Variants in CNBD1 observed in about 807,000 individuals in gnomAD.
CNBD1 encodes cyclic nucleotide-binding domain-containing protein 1.
CNBD1 carries 71 observed loss-of-function variants against 54.4 expected under a neutral mutation model. That is an observed-to-expected ratio of 1.30 (90% CI 1.08 to 1.59). The LOEUF (loss-of-function observed/expected upper bound fraction) is 1.59. Ranked by LOEUF, CNBD1 falls within the 40% of genes most tolerant of loss-of-function variation. CNBD1 has a pLI of 0.00. For missense variants in CNBD1, 659 were observed against 518.0 expected, an observed-to-expected ratio of 1.27 and a Z score of -2.64; for synonymous variants, 182 against 170.7, an observed-to-expected ratio of 1.07 and a Z score of -0.51.
chr8:86,945,105 C>A (rs1002021400), intron 4 of CNBD1, among the ~76,000 whole-genome samples: 1 of 151,986 alleles, frequency 6.6e-6, no homozygotes, highest in Non-Finnish European at 1.5e-5. Flanking sequence ...TTATAAAATA[C>A]TATGGTAAAA....
chr8:87,275,940 G>C (rs1454672490), intron 6 of CNBD1, among the ~76,000 whole-genome samples: 4 of 151,872 alleles, frequency 2.6e-5, no homozygotes, highest in African/African-American at 9.7e-5. Flanking sequence ...CAGACAGAGA[G>C]CCAAATCATG....
chr8:87,057,491 G>A (rs1045698200), intron 4 of CNBD1, among the ~76,000 whole-genome samples: 1 of 152,090 alleles, frequency 6.6e-6, no homozygotes, highest in Admixed American at 6.5e-5. Flanking sequence ...ATTTCAGTGG[G>A]GACACAGCCA....
chr8:86,966,968 G>T (rs117231046), intron 4 of CNBD1, among the ~76,000 whole-genome samples: 1 of 152,114 alleles, frequency 6.6e-6, no homozygotes, highest in African/African-American at 2.4e-5. Context: ...AGTGCTGATT[G>T]GTCCGTTTTA....
chr8:87,128,467 T>C (rs1241509152), intron 4 of CNBD1, among the ~76,000 whole-genome samples: 2 of 152,172 alleles, frequency 1.3e-5, no homozygotes, highest in African/African-American at 4.8e-5. Flanking sequence ...CTGTTGCAAG[T>C]TCTGTGAGGG....
chr8:87,000,169 T>G (rs6468614), intron 4 of CNBD1, among the ~76,000 whole-genome samples: 152,144 of 152,148 alleles, frequency 1, 76,070 homozygotes, highest in Middle Eastern at 1. Context: ...GGACCCAGGT[T>G]GGAGGTGATT....
In CNBD1 at chr8:87,391,422, G is replaced by A. The variant is rs780179404; in HGVS notation, c.214-37124G>A. On this transcript the variant is annotated intron_variant, in intron 2 of 7. Coordinates refer to the CNBD1 transcript ENST00000521593. ...GAGTTGCCAGAACAATCCTGAAAGA[G>A]AACAAAGCGGACAGACATACACCTC... 2.0e-5 allele frequency among the ~76,000 whole-genome samples: 3 copies of A among 151,978 alleles called. No homozygotes were observed. The South Asian group carries it at 6.2e-4, about 31-fold the overall frequency.
intron 4 of CNBD1, among the ~76,000 whole-genome samples, chr8:87,074,163 G>A (rs923952839): frequency 6.6e-6 from 1 of 151,936 alleles, no homozygotes; most frequent in Admixed American, 6.6e-5. Flanking sequence ...GCTGCACTGG[G>A]GGTTGTTGGG....
intron 4 of CNBD1, among the ~76,000 whole-genome samples, chr8:87,073,853 G>C (rs1225389292): frequency 1.3e-5 from 2 of 152,092 alleles, no homozygotes; most frequent in Non-Finnish European, 1.5e-5. Context: ...TGTAATCCCA[G>C]CACTTTGGGA....
chr8:87,003,547 T>C (rs1039804844), intron 4 of CNBD1, among the ~76,000 whole-genome samples: 1 of 152,202 alleles, frequency 6.6e-6, no homozygotes, highest in Non-Finnish European at 1.5e-5. Context: ...AAGTAGGAGA[T>C]AACAAAACTT....
At position 87,324,935 on chromosome 8, in the gene CNBD1, C is replaced by A. The variant is rs1361873061; in HGVS notation, c.1043-26750C>A. Among the ~76,000 whole-genome samples, 6 of 108,168 alleles carry A rather than the reference C, an allele frequency of 5.5e-5. 1 individual carries two copies. Among genetic ancestry groups the A allele is most frequent in the Non-Finnish European group, 1.1e-4 (6 of 52,592 alleles). The allele number at this position is 108,168 out of a possible 152,430, so 71.0% of individuals were successfully genotyped here. ...GATCTTTCTTGCTTTCTCTTGTGGG[C>A]ATTCAGTGCTATAAATTTCCCTCTA... On this transcript the variant is annotated intron_variant, in intron 8 of 10. Coordinates refer to ENST00000518476, the MANE Select transcript of CNBD1 (RefSeq NM_173538.3).
chr8:87,113,543 G>A (rs972300165), intron 4 of CNBD1, among the ~76,000 whole-genome samples: 3 of 152,116 alleles, frequency 2.0e-5, no homozygotes, highest in Non-Finnish European at 4.4e-5. Context: ...GTAGAACTTG[G>A]CTATTTACCA....
chr8:87,134,635 C>T (rs1222503562), intron 4 of CNBD1, among the ~76,000 whole-genome samples: 1 of 124,284 alleles, frequency 8.0e-6, no homozygotes, highest in Non-Finnish European at 1.6e-5. Flanking sequence ...TGGAGTCTCG[C>T]TGTGTCACCC....
Position 87,304,855 on chromosome 8 carries a change from A to G in CNBD1, c.1042+18184A>G, listed in dbSNP as rs548564639. Among the ~76,000 whole-genome samples the G allele has an allele frequency of 7.0e-4, 107 of 152,224 alleles. 1 individual carries two copies. Among genetic ancestry groups the G allele is most frequent in the African/African-American group, 2.5e-3 (105 of 41,560 alleles). On this transcript the variant is annotated intron_variant, in intron 8 of 10. Transcript: ENST00000518476. The stretch of plus-strand genomic sequence containing the variant: ...CATTCCTTCTGAGAACTGGAACAAG[A>G]GAAGGATGCCCACTCCCACCACTCC...
At chr8:87,263,869 A>G (rs1563529304) in intron 6 of CNBD1, among the ~76,000 whole-genome samples, 1 of 152,194 alleles carries the variant, frequency 6.6e-6, no homozygotes, top group Non-Finnish European at 1.5e-5. Flanking sequence ...ATCAATTTTT[A>G]AAAATCTAAT....
At chr8:87,278,319 C>A (rs2130864509) in intron 6 of CNBD1, among the ~76,000 whole-genome samples, 1 of 151,566 alleles carries the variant, frequency 6.6e-6, no homozygotes, top group Admixed American at 6.6e-5. Context: ...TGTGGAAAGA[C>A]ATCTAATAAC....
chr8:87,365,774 T>C (rs13283000), intron 10 of CNBD1, among the ~76,000 whole-genome samples: 46,155 of 151,892 alleles, frequency 0.3, 7,346 homozygotes, highest in Middle Eastern at 0.41. Context: ...ATGCCTCTAT[T>C]AAAATATAAT....
In CNBD1 at chr8:87,375,577, T is replaced by A. The variant is rs1441307438; in HGVS notation, c.1304-7043T>A. Among the ~76,000 whole-genome samples the A allele has an allele frequency of 9.2e-5, 14 of 151,866 alleles. 1 individual carries two copies. Among genetic ancestry groups the A allele is most frequent in the Non-Finnish European group, 1.9e-4 (13 of 67,914 alleles). On this transcript the variant is annotated intron_variant, in intron 10 of 10. Transcript: ENST00000518476. ...AGTTTAGGTATCACACAGATTCTATTTTCTTAGGCTATCATAGGAACCGAA... is the reference window on the plus strand; with the variant it reads ...AGTTTAGGTATCACACAGATTCTATATTCTTAGGCTATCATAGGAACCGAA...
chr8:87,343,824 A>G (rs1810116085), intron 8 of CNBD1, among the ~76,000 whole-genome samples: 1 of 152,140 alleles, frequency 6.6e-6, no homozygotes, highest in African/African-American at 2.4e-5. Context: ...AATGTCTGAA[A>G]TACAGTTTTG....
At chr8:86,945,645 A>G (rs1807448638) in intron 4 of CNBD1, among the ~76,000 whole-genome samples, 1 of 152,206 alleles carries the variant, frequency 6.6e-6, no homozygotes, top group Non-Finnish European at 1.5e-5. Context: ...CATATCTAGA[A>G]AAGAAAGTTT....
Sources: allele counts gnomAD v4.1 joint callset (sites outside exome capture counted in the v4.1 genomes callset), GRCh38; gene constraint gnomAD v4.1.1; transcripts MANE v1.5; gene names NCBI Gene and HGNC (gene_info 2026-07-23, HGNC 2026-07-21).